SRGAP1: variants seen among roughly 807,000 people sequenced by gnomAD.
SRGAP1 encodes the protein SLIT-ROBO Rho GTPase activating protein 1.
In SRGAP1, 43 loss-of-function variants were observed where a neutral mutation model predicts 121.9. The observed-to-expected ratio is 0.35, with a 90% CI of 0.28 to 0.46. SRGAP1 has a LOEUF of 0.46. Among genes scored for constraint, SRGAP1 ranks in the 20% least tolerant of loss-of-function variants. SRGAP1 has a pLI of 1.00. For missense variants in SRGAP1, 1,102 were observed against 1,350.9 expected (o/e 0.82, Z 2.89); for synonymous variants, 447 against 485.4 (o/e 0.92, Z 1.04).
intron 1 of SRGAP1, 79 bp from the exon 2 acceptor site, chr12:63,983,858 ATATATATTTC>A: frequency 8.2e-6 from 1 of 122,302 alleles, no homozygotes; most frequent in Non-Finnish European, 1.6e-5. Context: ...ATATATATTT[ATATATATTTC>A]GTGACTTATA....
chr12:63,917,685 A>G (rs960609339), intron 1 of SRGAP1, among the ~76,000 whole-genome samples: 1 of 152,150 alleles, frequency 6.6e-6, no homozygotes, highest in East Asian at 1.9e-4. Flanking sequence ...AGAATTTCTA[A>G]TTACTATTTG....
At chr12:63,863,670 T>G (rs1370832004) in intron 1 of SRGAP1, among the ~76,000 whole-genome samples, 1 of 152,264 alleles carries the variant, frequency 6.6e-6, no homozygotes, top group Non-Finnish European at 1.5e-5. Flanking sequence ...TTTGAAAGAT[T>G]TCCAGACTAT....
intron 1 of SRGAP1, among the ~76,000 whole-genome samples, chr12:63,859,679 A>C (rs1899381059): frequency 1.3e-5 from 2 of 152,190 alleles, no homozygotes; most frequent in Non-Finnish European, 2.9e-5. Context: ...TACTAATATA[A>C]GTATTTAGAA....
intron 1 of SRGAP1, among the ~76,000 whole-genome samples, chr12:63,923,453 T>A (rs1021767739): frequency 1.3e-5 from 2 of 152,230 alleles, no homozygotes; most frequent in Non-Finnish European, 2.9e-5. Context: ...CAATCTGTTG[T>A]AATTTTTTTA....
intron 1 of SRGAP1, among the ~76,000 whole-genome samples, chr12:63,847,403 T>C (rs1362133329): frequency 6.6e-6 from 1 of 151,606 alleles, no homozygotes; most frequent in Admixed American, 6.6e-5. Flanking sequence ...TATCTGATGA[T>C]AAAAAAAAAT....
chr12:64,056,307 T>G (rs1264287245), intron 6 of SRGAP1, among the ~76,000 whole-genome samples: 2 of 152,094 alleles, frequency 1.3e-5, no homozygotes, highest in Admixed American at 6.6e-5. Context: ...CAAAAATCCA[T>G]TCTCTTCCCA....
chr12:64,051,517 GT>G (rs1357936646), intron 6 of SRGAP1, among the ~76,000 whole-genome samples: 4 of 152,150 alleles, frequency 2.6e-5, no homozygotes, highest in African/African-American at 2.4e-5. Flanking sequence ...TTTTTAAAAT[GT>G]TTTTAAGCAC....
At chr12:64,081,999 G>GTTTTTTTT (rs1362308440) in intron 10 of SRGAP1, 3 of 7,514 alleles carry the variant, frequency 4.0e-4, no homozygotes, top group African/African-American at 1.1e-3. Context: ...GTCATGTAAG[G>GTTTTTTTT]TCTTTTTTTT....
At chr12:64,021,593 A>G (rs6581523) in intron 4 of SRGAP1, among the ~76,000 whole-genome samples, 80,233 of 152,014 alleles carry the variant, frequency 0.53, 23,407 homozygotes, top group African/African-American at 0.78. Flanking sequence ...CAGAGCCTCT[A>G]CCCTTTACTG....
rs981711203 is a variant in SRGAP1 at position 64,095,093 on chromosome 12, G to C, written c.1601-34G>C. On this transcript the variant is annotated intron_variant, in intron 13 of 21. Coordinates refer to ENST00000355086, the MANE Select transcript of SRGAP1 (RefSeq NM_020762.4). Reference sequence around the variant, plus strand: ...AAGAGGGACCTAGACAATGTGATGGGGGTTTTATCCTCTTTCCCTTCTTTT... The same window carrying C: ...AAGAGGGACCTAGACAATGTGATGGCGGTTTTATCCTCTTTCCCTTCTTTT... The C allele has an allele frequency of 1.9e-6, 3 of 1,610,616 alleles. No individual in the cohort carries two copies. The African/African-American group carries it at 4.0e-5, about 22-fold the overall frequency.
intron 3 of SRGAP1, among the ~76,000 whole-genome samples, chr12:63,996,832 T>C (rs1056335812): frequency 4.6e-5 from 7 of 152,092 alleles, no homozygotes; most frequent in African/African-American, 1.7e-4. Flanking sequence ...TTATCAACCC[T>C]ATGACTAACT....
chr12:63,856,646 G>A (rs780441136), intron 1 of SRGAP1, among the ~76,000 whole-genome samples: 4 of 152,116 alleles, frequency 2.6e-5, no homozygotes, highest in Non-Finnish European at 4.4e-5. Flanking sequence ...ATTGTGTTCC[G>A]TTGGTTAATT....
intron 1 of SRGAP1, among the ~76,000 whole-genome samples, chr12:63,852,056 G>A (rs1565920592): frequency 1.3e-5 from 2 of 152,214 alleles, no homozygotes; most frequent in South Asian, 2.1e-4. Context: ...GCCCAATCTC[G>A]GCTCAGCTCA....
At chr12:64,003,376 C>G (rs754074415) in intron 3 of SRGAP1, among the ~76,000 whole-genome samples, 153 of 149,862 alleles carry the variant, frequency 1.0e-3, no homozygotes, top group Non-Finnish European at 2.0e-3. Flanking sequence ...CTTGAGCCAT[C>G]ATGTCTGACC....
intron 3 of SRGAP1, among the ~76,000 whole-genome samples, chr12:64,001,951 C>A (rs973962467): frequency 1.8e-4 from 27 of 152,182 alleles, no homozygotes; most frequent in Non-Finnish European, 2.9e-4. Flanking sequence ...CACTGAATAC[C>A]CGCAGCAGTT....
At position 64,148,660 on chromosome 12, in the gene SRGAP1, T is replaced by C. The variant is rs538315103; in HGVS notation, c.*5988T>C. The stretch of plus-strand genomic sequence containing the variant: ...TGTAGTAGATAGCTTTGTAAAACAA[T>C]GTAAGTTGTGCAAGATTGAATATTG... On this transcript the variant is annotated 3_prime_UTR_variant, in exon 22 of 22. Transcript: ENST00000355086. 8.4e-4 allele frequency: 128 copies of C among 152,264 alleles called. 1 individual carries two copies. The highest frequency in any genetic ancestry group is 3.0e-3 in the African/African-American group (124 of 41,552). 9.4% of individuals were successfully genotyped at this position (152,264 alleles called of 1,614,324 possible). A position where few individuals can be genotyped will look rare whatever the true frequency, so the allele number is the denominator to read the frequency against.
intron 1 of SRGAP1, among the ~76,000 whole-genome samples, chr12:63,882,578 C>T (rs965103449): frequency 6.6e-6 from 1 of 152,120 alleles, no homozygotes; most frequent in African/African-American, 2.4e-5. Context: ...ACTACCACGC[C>T]CGGCCCTATA....
intron 1 of SRGAP1, among the ~76,000 whole-genome samples, chr12:63,947,057 A>G (rs1316556870): frequency 3.9e-5 from 6 of 152,124 alleles, no homozygotes; most frequent in Admixed American, 6.6e-5. Flanking sequence ...GGACATTTCA[A>G]TTGTTTTCAT....
intron 1 of SRGAP1, among the ~76,000 whole-genome samples, chr12:63,865,888 G>A (rs1592895361): frequency 6.6e-6 from 1 of 151,974 alleles, no homozygotes; most frequent in East Asian, 1.9e-4. Context: ...CCTTTTTTTG[G>A]TGCAAGTTTG....
Sources: gnomAD v4.1 joint callset for allele counts (sites outside exome capture counted in the v4.1 genomes callset) on GRCh38, gnomAD v4.1.1 for gene constraint, MANE v1.5 for transcripts, NCBI Gene and HGNC (gene_info 2026-07-23, HGNC 2026-07-21) for gene names.